Variants in PSD3 observed in about 807,000 individuals in gnomAD.
PSD3 encodes PH and SEC7 domain-containing protein 3.
Under a neutral mutation model 105.5 loss-of-function variants are expected in PSD3, and 49 were observed. The ratio of observed to expected loss-of-function variants is 0.46; its 90% CI spans 0.37 to 0.59. The LOEUF (loss-of-function observed/expected upper bound fraction) is 0.59. Ranked by LOEUF, PSD3 falls within the 20% of genes least tolerant of loss-of-function variation. The pLI, the probability that PSD3 is intolerant of heterozygous loss-of-function variation, is 0.00. For synonymous variants in PSD3, 557 were observed against 457.8 expected, an observed-to-expected ratio of 1.22 and a Z score of -2.77; for missense variants, 1,561 against 1,263.8, an observed-to-expected ratio of 1.24 and a Z score of -3.57.
intron 2 of PSD3, among the ~76,000 whole-genome samples, chr8:18,873,937 G>C (rs1201091626): frequency 2.6e-5 from 4 of 152,164 alleles, no homozygotes; most frequent in African/African-American, 7.2e-5. Flanking sequence ...TAAAATGATA[G>C]CCAGTGAGAA....
At chr8:18,567,843 G>A (rs774098334) in intron 14 of PSD3, among the ~76,000 whole-genome samples, 20 of 152,122 alleles carry the variant, frequency 1.3e-4, no homozygotes, top group Non-Finnish European at 2.5e-4. Context: ...TGTCCCCTCC[G>A]AATCTCATGT....
chr8:18,600,250 A>G, intron 12 of PSD3, 114 bp downstream of exon 12: 1 of 1,021,584 alleles, frequency 9.8e-7, no homozygotes, highest in South Asian at 1.5e-5. Context: ...ACATCAGCAA[A>G]CAAACTGCAG....
intron 12 of PSD3, among the ~76,000 whole-genome samples, chr8:18,591,902 A>G (rs1393308262): frequency 6.6e-6 from 1 of 152,138 alleles, no homozygotes; most frequent in Non-Finnish European, 1.5e-5. Flanking sequence ...AAAAGGATTC[A>G]GAGTTCCCTA....
upstream of PSD3, chr8:19,014,261 C>G (rs1002019834): frequency 6.6e-6 from 1 of 152,170 alleles, no homozygotes; most frequent in Non-Finnish European, 1.5e-5. This position sits in a 1 kb window ranked among gnomAD's most constrained non-coding sequence, Gnocchi z 4.9. Flanking sequence ...GACCGGGCTC[C>G]CCCGGCACCG....
intron 9 of PSD3, among the ~76,000 whole-genome samples, chr8:18,656,321 G>T (rs975782278): frequency 1.3e-4 from 20 of 151,060 alleles, no homozygotes; most frequent in Admixed American, 1.1e-3. Context: ...GCCTCCCAAA[G>T]TGCTGGGATT....
intron 9 of PSD3, among the ~76,000 whole-genome samples, chr8:18,656,233 T>C (rs558702658): frequency 4.3e-4 from 65 of 152,246 alleles, no homozygotes; most frequent in African/African-American, 1.4e-3. Flanking sequence ...AATTTTTGTA[T>C]TTTTAGTAGA....
At chr8:18,587,211 G>A (rs1024932704) in intron 12 of PSD3, among the ~76,000 whole-genome samples, 3 of 152,126 alleles carry the variant, frequency 2.0e-5, no homozygotes, top group African/African-American at 2.4e-5. Context: ...GCCCCACACA[G>A]GTCCTGTGAG....
At chr8:18,724,241 G>A (rs910682417) in intron 9 of PSD3, among the ~76,000 whole-genome samples, 2 of 152,036 alleles carry the variant, frequency 1.3e-5, no homozygotes, top group African/African-American at 4.8e-5. Flanking sequence ...GTCTATAAAT[G>A]GAAGAAGAAA....
At chr8:18,587,726 T>A (rs989128309) in intron 12 of PSD3, among the ~76,000 whole-genome samples, 5 of 152,186 alleles carry the variant, frequency 3.3e-5, no homozygotes, top group African/African-American at 1.2e-4. Context: ...GCTTAGTGAA[T>A]GCTCAATTTA....
At chr8:18,600,266 G>A in intron 12 of PSD3, 98 bp downstream of exon 12, 1 of 1,125,162 alleles carries the variant, frequency 8.9e-7, no homozygotes, top group Non-Finnish European at 1.3e-6. Context: ...TGCAGAAAGT[G>A]AAACCACAGA....
At chr8:19,064,771 G>A (rs1829021507) in intron 1 of PSD3, among the ~76,000 whole-genome samples, 1 of 152,118 alleles carries the variant, frequency 6.6e-6, no homozygotes, top group South Asian at 2.1e-4. Flanking sequence ...ACAAGAACTT[G>A]CTAGAATTAT....
At chr8:18,599,809 G>A (rs1404204508) in intron 12 of PSD3, among the ~76,000 whole-genome samples, 1 of 152,104 alleles carries the variant, frequency 6.6e-6, no homozygotes, top group African/African-American at 2.4e-5. Context: ...TATTTAAGGG[G>A]CGTCCTGGAG....
intron 15 of PSD3, among the ~76,000 whole-genome samples, chr8:18,539,147 T>G (rs1319982395): frequency 6.6e-6 from 1 of 152,196 alleles, no homozygotes; most frequent in Non-Finnish European, 1.5e-5. Flanking sequence ...AACTTTAACT[T>G]CAGGACTAAC....
At chr8:18,790,940 C>T (rs1171189417) in intron 8 of PSD3, among the ~76,000 whole-genome samples, 3 of 152,214 alleles carry the variant, frequency 2.0e-5, no homozygotes, top group Non-Finnish European at 2.9e-5. Flanking sequence ...AAAGTCAAGC[C>T]GACAGCCAAA....
At position 18,603,317 on chromosome 8, in the gene PSD3, T is replaced by C. The variant is rs952917294; in HGVS notation, c.2411-2883A>G. 2.6e-5 allele frequency among the ~76,000 whole-genome samples: 4 copies of C among 152,162 alleles called. No individual in the cohort carries two copies. In the South Asian group the frequency reaches 6.2e-4, roughly 24 times the overall value. On this transcript the variant is annotated intron_variant, in intron 11 of 15. Coordinates refer to ENST00000327040, the MANE Select transcript of PSD3 (RefSeq NM_015310.4). ...TTTAATGCTATTGAAACAGGCATCA[T>C]TGTTTTTCTATAACATGCTACTGTC...
At chr8:18,660,473 A>G (rs957035133) in intron 9 of PSD3, among the ~76,000 whole-genome samples, 5 of 152,204 alleles carry the variant, frequency 3.3e-5, no homozygotes, top group African/African-American at 1.2e-4. Flanking sequence ...CGTACTAGAG[A>G]ATAGCAGATA....
chr8:18,928,547 C>T (rs145174509), intron 2 of PSD3, among the ~76,000 whole-genome samples: 2 of 152,264 alleles, frequency 1.3e-5, no homozygotes, highest in African/African-American at 4.8e-5. Flanking sequence ...GTAAATTTTA[C>T]AGCAAAACTA....
At chr8:18,638,642 GA>G (rs201015455) in intron 10 of PSD3, among the ~76,000 whole-genome samples, 1 of 151,830 alleles carries the variant, frequency 6.6e-6, no homozygotes, top group Non-Finnish European at 1.5e-5. Context: ...AATCAATGGA[GA>G]AAAAAATCCC....
intron 1 of PSD3, among the ~76,000 whole-genome samples, chr8:18,970,625 G>A (rs944845461): frequency 6.6e-6 from 1 of 152,020 alleles, no homozygotes; most frequent in Non-Finnish European, 1.5e-5. Flanking sequence ...AAAACATTTA[G>A]TCTTTCCTAG....
Sources: allele counts gnomAD v4.1 joint callset (sites outside exome capture counted in the v4.1 genomes callset), GRCh38; gene constraint gnomAD v4.1.1; non-coding constraint Gnocchi (gnomAD v3.1); transcripts MANE v1.5; gene names NCBI Gene and HGNC (gene_info 2026-07-23, HGNC 2026-07-21).